Variants in XPO4 observed in about 807,000 individuals in gnomAD.
XPO4 encodes the protein exportin-4.
XPO4 carries 39 observed loss-of-function variants against 143.0 expected under a neutral mutation model. The ratio of observed to expected loss-of-function variants is 0.27; its 90% CI spans 0.21 to 0.36. The LOEUF is 0.36. Ranked by LOEUF, XPO4 falls within the 10% of genes least tolerant of loss-of-function variation. The pLI is 1.00. For synonymous variants in XPO4, 439 were observed against 474.0 expected (o/e 0.93, Z 0.96); for missense variants, 907 against 1,348.0 (o/e 0.67, Z 5.12).
At chr13:20,889,638 T>TGAAC (rs1274970006) in intron 1 of XPO4, among the ~76,000 whole-genome samples, 7 of 152,194 alleles carry the variant, frequency 4.6e-5, no homozygotes, top group Non-Finnish European at 1.0e-4. Context: ...CAACAATCAA[T>TGAAC]GAACGAACAT....
chr13:20,866,252 CACAGA>C (rs2060244154), intron 2 of XPO4: 1 of 984,622 alleles, frequency 1.0e-6, no homozygotes, highest in Non-Finnish European at 1.2e-6. Flanking sequence ...CACACACACA[CACAGA>C]AAAGAGCAAA....
chr13:20,861,278 T>C (rs1388142295), intron 3 of XPO4, among the ~76,000 whole-genome samples: 1 of 148,748 alleles, frequency 6.7e-6, no homozygotes, highest in Non-Finnish European at 1.5e-5. Context: ...TCAAAAGTTA[T>C]GTAGCTGATA....
intron 9 of XPO4, among the ~76,000 whole-genome samples, chr13:20,820,363 C>T (rs535902564): frequency 2.0e-5 from 3 of 152,274 alleles, no homozygotes; most frequent in African/African-American, 4.8e-5. Context: ...TTCTTTAAAA[C>T]GTTTAGGAAC....
In XPO4 at chr13:20,839,522, G is replaced by C. The variant is rs543423648; in HGVS notation, c.727+3373C>G. ...ATTCTAAATGGGTATATAGTATAGTGTGTGAATTACATCTCAATAAAACTA... is the reference window on the plus strand; with the variant it reads ...ATTCTAAATGGGTATATAGTATAGTCTGTGAATTACATCTCAATAAAACTA... On this transcript the variant is annotated intron_variant, in intron 6 of 22. Transcript: ENST00000255305. Among the ~76,000 whole-genome samples the C allele has an allele frequency of 7.9e-5, 12 of 152,230 alleles. No individual in the cohort carries two copies. In the South Asian group the frequency reaches 2.5e-3, roughly 32 times the overall value.
In XPO4 at chr13:20,880,955, C is replaced by T. The variant is rs2060403080; in HGVS notation, c.70-12254G>A. ...CCTGGGTAATAGAGCAAGACCCTGC[C>T]TCCAAAAAAAAAAAAAAAGGAATGA... On this transcript the variant is annotated intron_variant, in intron 1 of 22. Transcript: ENST00000255305. Among the ~76,000 whole-genome samples, 3 of 62,978 alleles carry T rather than the reference C, an allele frequency of 4.8e-5. No homozygotes were observed. In the South Asian group the frequency reaches 2.9e-3, roughly 61 times the overall value. 41.3% of individuals were successfully genotyped at this position (62,978 alleles called of 152,430 possible).
intron 1 of XPO4, chr13:20,902,152 G>T (rs2060626869): frequency 1.0e-6 from 1 of 985,202 alleles, no homozygotes; most frequent in African/African-American, 1.7e-5. Context: ...GCCCTTCCAC[G>T]TGCTGCCGGC....
At chr13:20,843,551 G>C (rs748107548) in intron 5 of XPO4, among the ~76,000 whole-genome samples, 1 of 152,190 alleles carries the variant, frequency 6.6e-6, no homozygotes, top group Non-Finnish European at 1.5e-5. Context: ...CTTTATAGAA[G>C]TATTGTTTTT....
intron 14 of XPO4, 117 bp downstream of exon 14, chr13:20,800,714 T>C (rs892943264): frequency 2.6e-5 from 34 of 1,298,160 alleles, no homozygotes; most frequent in South Asian, 1.3e-4. Context: ...ACACAGAAAA[T>C]GTTAAACTGC....
rs61737207 is a variant in XPO4 at position 20,855,735 on chromosome 13, T to C, written c.348A>G (p.Leu116=). The C allele has an allele frequency of 0.036, 57,583 of 1,604,856 alleles. 1,269 individuals are homozygous for C. The highest frequency in any genetic ancestry group is 0.086 in the Middle Eastern group (515 of 6,020). ...NLQKYVREQI[L]LAVAVIVKRG... The stretch of plus-strand genomic sequence containing the variant: ...TTTTTACAATTACTGCTACTGCTAG[T>C]AGAATCTGTTCCCGAACATACTTTT... Residue 116 remains leucine (L), a synonymous_variant, in exon 4 of 23, where the codon CTA becomes CTG. Coordinates refer to ENST00000255305, the MANE Select transcript of XPO4 (RefSeq NM_022459.5).
intron 6 of XPO4, among the ~76,000 whole-genome samples, chr13:20,835,689 A>G (rs1424728053): frequency 1.3e-5 from 2 of 152,224 alleles, no homozygotes; most frequent in Non-Finnish European, 2.9e-5. Context: ...ATATCTATAT[A>G]GTTCAGTTGA....
intron 2 of XPO4, chr13:20,866,167 C>G: frequency 1.0e-6 from 1 of 985,324 alleles, no homozygotes; most frequent in East Asian, 1.1e-4. Context: ...GTGCCAAAGA[C>G]TTCTGAAGTG....
intron 1 of XPO4, among the ~76,000 whole-genome samples, chr13:20,886,484 T>C (rs1274862995): frequency 6.6e-6 from 1 of 151,900 alleles, no homozygotes; most frequent in Non-Finnish European, 1.5e-5. Context: ...TGGTGACTCA[T>C]GCCTGTAATC....
chr13:20,897,794 G>A (rs1007866793), intron 1 of XPO4, among the ~76,000 whole-genome samples: 2 of 152,138 alleles, frequency 1.3e-5, no homozygotes, highest in Non-Finnish European at 1.5e-5. Context: ...CCGCTCTACA[G>A]CCCAGGCTGG....
At chr13:20,853,579 A>G (rs1320180745) in intron 4 of XPO4, among the ~76,000 whole-genome samples, 1 of 152,146 alleles carries the variant, frequency 6.6e-6, no homozygotes, top group Non-Finnish European at 1.5e-5. Flanking sequence ...ACTTCATAAA[A>G]TCAAAATGAC....
chr13:20,809,937 C>G lies in XPO4; in HGVS notation c.1204G>C (p.Ala402Pro), dbSNP rs1676068749. ...CAGGACTCCAACAATTTATCATATG[C>G]TTCCATGTATACCATGTCATCTTTA... ...LDKDDMVYME[A>P]YDKLLESWLT... Residue 402 changes from alanine to proline, a missense_variant, in exon 10 of 23, where the codon GCA (alanine) becomes CCA (proline). Transcript: ENST00000255305. 1 of 1,613,094 alleles carries G rather than the reference C, an allele frequency of 6.2e-7. No individual in the cohort carries two copies.
At position 20,780,165 on chromosome 13, in the gene XPO4, C is replaced by G. The variant is rs1011747101; in HGVS notation, c.*3557G>C. 1 of 152,194 alleles carries G rather than the reference C, an allele frequency of 6.6e-6. No homozygotes were observed. The highest frequency in any genetic ancestry group is 1.5e-5 in the Non-Finnish European group (1 of 68,030). The allele number at this position is 152,194 out of a possible 1,614,324, so 9.4% of individuals were successfully genotyped here. A position where few individuals can be genotyped will look rare whatever the true frequency, so the allele number is the denominator to read the frequency against. On this transcript the variant is annotated 3_prime_UTR_variant, in exon 23 of 23. Coordinates refer to ENST00000255305, the MANE Select transcript of XPO4 (RefSeq NM_022459.5). Reference sequence around the variant, plus strand: ...ACCTTAAGAAGTACCGAGGTTCCTTCTGACTTAAAAGGTTAATGTTTTATT... The same window carrying G: ...ACCTTAAGAAGTACCGAGGTTCCTTGTGACTTAAAAGGTTAATGTTTTATT...
rs1164560422 is a variant in XPO4 at position 20,781,535 on chromosome 13, G to A, written c.*2187C>T. 6.6e-6 allele frequency: 1 copy of A among 152,606 alleles called. No individual in the cohort carries two copies. The highest frequency in any genetic ancestry group is 1.5e-5 in the Non-Finnish European group (1 of 68,030). The allele number at this position is 152,606 out of a possible 1,614,324, so 9.5% of individuals were successfully genotyped here. A position where few individuals can be genotyped will look rare whatever the true frequency, so the allele number is the denominator to read the frequency against. ...TAATGAAATTACACCTCAGGAATAT[G>A]GAGGTGAAATTTTCTATTTTTAGTA... On this transcript the variant is annotated 3_prime_UTR_variant, in exon 23 of 23. Coordinates refer to ENST00000255305, the MANE Select transcript of XPO4 (RefSeq NM_022459.5).
At chr13:20,840,276 T>C (rs2059961634) in intron 6 of XPO4, among the ~76,000 whole-genome samples, 1 of 152,118 alleles carries the variant, frequency 6.6e-6, no homozygotes, top group Admixed American at 6.6e-5. Context: ...GGCATGATCA[T>C]GGCTCACTGT....
At chr13:20,844,835 ACTAT>A (rs2060014240) in intron 4 of XPO4, among the ~76,000 whole-genome samples, 1 of 152,246 alleles carries the variant, frequency 6.6e-6, no homozygotes, top group African/African-American at 2.4e-5. Flanking sequence ...TGACTAATAG[ACTAT>A]CTGTCCATTT....
Sources: allele counts gnomAD v4.1 joint callset (sites outside exome capture counted in the v4.1 genomes callset), GRCh38; gene constraint gnomAD v4.1.1; transcripts MANE v1.5; gene names NCBI Gene and HGNC (gene_info 2026-07-23, HGNC 2026-07-21).